PHF20: variants seen among roughly 807,000 people sequenced by gnomAD.
PHF20 encodes PHD finger protein 20.
Under a neutral mutation model 113.5 loss-of-function variants are expected in PHF20, and 23 were observed. That is an observed-to-expected ratio of 0.20 (90% CI 0.15 to 0.29). PHF20 has a LOEUF of 0.29. Among genes scored for constraint, PHF20 ranks in the 10% least tolerant of loss-of-function variants. The probability of loss-of-function intolerance (pLI) is 1.00; values close to 1 mark genes in which losing one functional copy is unlikely to be tolerated. For synonymous variants in PHF20, 434 were observed against 457.3 expected (o/e 0.95, Z 0.65); for missense variants, 943 against 1,219.6 (o/e 0.77, Z 3.38).
intron 13 of PHF20, among the ~76,000 whole-genome samples, chr20:35,926,070 C>A (rs1293386025): frequency 1.4e-5 from 2 of 139,152 alleles, no homozygotes; most frequent in Non-Finnish European, 1.5e-5. Flanking sequence ...TGCAGTGAGC[C>A]GAGATTGTCC....
At chr20:35,808,573 A>G (rs2041923750) in intron 2 of PHF20, among the ~76,000 whole-genome samples, 1 of 148,658 alleles carries the variant, frequency 6.7e-6, no homozygotes, top group Non-Finnish European at 1.5e-5. Context: ...TTATTTATTT[A>G]TTTTTATTTT....
intron 1 of PHF20, among the ~76,000 whole-genome samples, chr20:35,797,635 T>G (rs965728873): frequency 1.3e-5 from 2 of 151,228 alleles, no homozygotes; most frequent in South Asian, 2.1e-4. Context: ...TGGTTTTTTT[T>G]GTTTGTTTTT....
intron 13 of PHF20, among the ~76,000 whole-genome samples, chr20:35,927,509 T>G (rs137879963): frequency 6.6e-6 from 1 of 152,310 alleles, no homozygotes; most frequent in East Asian, 1.9e-4. Flanking sequence ...CAAACTCAGC[T>G]TTAAGATGTC....
chr20:35,889,927 T>G (rs569396709), intron 9 of PHF20, among the ~76,000 whole-genome samples: 11 of 150,548 alleles, frequency 7.3e-5, no homozygotes, highest in African/African-American at 2.7e-4. Flanking sequence ...CAGGGTTTCC[T>G]CATGTTGTCC....
chr20:35,817,953 A>T (rs983490881), intron 2 of PHF20, among the ~76,000 whole-genome samples: 2 of 151,770 alleles, frequency 1.3e-5, no homozygotes, highest in Admixed American at 1.3e-4. Context: ...ACAAAAAAAT[A>T]TAAAAATTAT....
chr20:35,864,858 T>C (rs971735024), intron 6 of PHF20, among the ~76,000 whole-genome samples: 93 of 152,238 alleles, frequency 6.1e-4, no homozygotes, highest in African/African-American at 2.2e-3. Context: ...AAATGCTAGA[T>C]TTCAAATACT....
At chr20:35,810,747 G>T (rs966406510) in intron 2 of PHF20, among the ~76,000 whole-genome samples, 1 of 152,102 alleles carries the variant, frequency 6.6e-6, no homozygotes, top group Non-Finnish European at 1.5e-5. Flanking sequence ...ACAAAACACT[G>T]GAAAATGCAT....
At chr20:35,899,337 A>G in intron 9 of PHF20, 33 bp from the exon 10 acceptor site, 4 of 1,562,912 alleles carry the variant, frequency 2.6e-6, no homozygotes, top group Non-Finnish European at 2.6e-6. Context: ...GATAAATACA[A>G]GGAACCTTTG....
intron 5 of PHF20, among the ~76,000 whole-genome samples, chr20:35,860,282 C>T (rs2054196955): frequency 1.3e-5 from 2 of 148,784 alleles, no homozygotes; most frequent in African/African-American, 5.0e-5. Flanking sequence ...ACTCTGTAGC[C>T]TAGGCTGGAG....
At chr20:35,947,446 G>C (rs753812476) in intron 17 of PHF20, 39 bp from the exon 18 acceptor site, 1 of 1,600,058 alleles carries the variant, frequency 6.2e-7, no homozygotes, top group Non-Finnish European at 8.6e-7. Context: ...ATCAAGTGTT[G>C]GGAGTTCACT....
chr20:35,791,463 ATCTATCTATCTATCT>A (rs1569120222), intron 1 of PHF20, among the ~76,000 whole-genome samples: 6,247 of 145,060 alleles, frequency 0.043, 179 homozygotes, highest in African/African-American at 0.077. Context: ...CTATCTATCT[ATCTATCTATCTATCT>A]ATCTATCTAT....
chr20:35,943,609 C>CTCTA, intron 17 of PHF20, among the ~76,000 whole-genome samples: 1 of 148,814 alleles, frequency 6.7e-6, no homozygotes, highest in East Asian at 2.0e-4. Flanking sequence ...ATGAATAGTA[C>CTCTA]TTTATTTATT....
At chr20:35,826,853 TTGA>T (rs1057027363) in intron 2 of PHF20, among the ~76,000 whole-genome samples, 2 of 152,186 alleles carry the variant, frequency 1.3e-5, no homozygotes, top group African/African-American at 4.8e-5. Context: ...TAAGAAATGA[TTGA>T]GATAGAGAGG....
rs548179098 is a variant in PHF20, at chr20:35,901,502, C to G, written c.1561+1854C>G. Among the ~76,000 whole-genome samples the G allele has an allele frequency of 2.6e-5, 4 of 151,470 alleles. No homozygotes were observed. In the South Asian group the frequency reaches 6.3e-4, roughly 24 times the overall value. ...AATGTAAGAAACTGCAGAGAGATACCAAGATAAAGGATTGGGCTTTTTACT... is the reference window on the plus strand; with the variant it reads ...AATGTAAGAAACTGCAGAGAGATACGAAGATAAAGGATTGGGCTTTTTACT... On this transcript the variant is annotated intron_variant, in intron 10 of 17. Transcript: ENST00000374012.
chr20:35,778,808 T>C (rs2041225936), intron 1 of PHF20, among the ~76,000 whole-genome samples: 1 of 152,030 alleles, frequency 6.6e-6, no homozygotes, highest in Non-Finnish European at 1.5e-5. Context: ...TTGACAACTT[T>C]GCTAGATCTT....
chr20:35,913,439 G>C, intron 11 of PHF20, 92 bp downstream of exon 11: 2 of 856,772 alleles, frequency 2.3e-6, no homozygotes, highest in East Asian at 4.9e-5. Context: ...GGCCTGCGCT[G>C]AGCAGAGGAA....
At chr20:35,798,004 C>T (rs2146858536) in intron 1 of PHF20, among the ~76,000 whole-genome samples, 1 of 152,154 alleles carries the variant, frequency 6.6e-6, no homozygotes, top group Non-Finnish European at 1.5e-5. Context: ...TAATCCTTTA[C>T]ATTATACACT....
At chr20:35,859,920 T>G (rs2054186600) in intron 5 of PHF20, among the ~76,000 whole-genome samples, 1 of 152,156 alleles carries the variant, frequency 6.6e-6, no homozygotes, top group South Asian at 2.1e-4. Context: ...TATGTATATT[T>G]GTAAGTTGTG....
intron 9 of PHF20, among the ~76,000 whole-genome samples, chr20:35,888,752 C>G (rs879356858): frequency 6.7e-6 from 1 of 150,272 alleles, no homozygotes; most frequent in Non-Finnish European, 1.5e-5. Context: ...AGACCCTCAT[C>G]TCTTTTTTTT....
Sources: gnomAD v4.1 joint callset for allele counts (sites outside exome capture counted in the v4.1 genomes callset) on GRCh38, gnomAD v4.1.1 for gene constraint, MANE v1.5 for transcripts, NCBI Gene and HGNC (gene_info 2026-07-23, HGNC 2026-07-21) for gene names.